PALS1: variants seen among roughly 807,000 people sequenced by gnomAD.
The protein encoded by PALS1 is protein PALS1.
A neutral mutation model predicts 78.9 loss-of-function variants in PALS1; 31 were observed. The ratio of observed to expected loss-of-function variants is 0.39; its 90% CI spans 0.30 to 0.53. The LOEUF is 0.53. Among genes scored for constraint, PALS1 ranks in the 20% least tolerant of loss-of-function variants. The pLI is 0.67. For synonymous variants in PALS1, 276 were observed against 270.9 expected (o/e 1.02, Z -0.18); for missense variants, 704 against 826.5 (o/e 0.85, Z 1.82).
chr14:67,332,272 A>T (rs576125157), intron 14 of PALS1, among the ~76,000 whole-genome samples: 23 of 152,182 alleles, frequency 1.5e-4, no homozygotes, highest in African/African-American at 5.1e-4. Flanking sequence ...AAAGTAGGCT[A>T]CTCTATATAG....
chr14:67,280,365 G>GA (rs2099741796), intron 3 of PALS1, among the ~76,000 whole-genome samples: 1 of 152,104 alleles, frequency 6.6e-6, no homozygotes, highest in Non-Finnish European at 1.5e-5. Flanking sequence ...TTTTAGGTGT[G>GA]AAAAAAGATA....
At chr14:67,280,853 T>TTCCTTCCCTCCTTCCCTCCCTCCC (rs1328488242) in intron 3 of PALS1, among the ~76,000 whole-genome samples, 1 of 77,608 alleles carries the variant, frequency 1.3e-5, no homozygotes, top group African/African-American at 1.0e-4. Flanking sequence ...CCTTCCTTCC[T>TTCCTTCCCTCCTTCCCTCCCTCCC]TCCCTCCCTC....
chr14:67,332,727 T>C, intron 14 of PALS1, 53 bp from the exon 15 acceptor site: 1 of 1,536,968 alleles, frequency 6.5e-7, no homozygotes, highest in Non-Finnish European at 8.8e-7. Flanking sequence ...ACTCATCCTA[T>C]ATTATTTGGT....
intron 3 of PALS1, chr14:67,279,991 T>C (rs1201280630): frequency 6.5e-6 from 1 of 154,190 alleles, no homozygotes; most frequent in African/African-American, 2.4e-5. Context: ...ATTGTTCATA[T>C]GGTATCATAA....
At chr14:67,329,052 T>C (rs2085401883) in intron 14 of PALS1, among the ~76,000 whole-genome samples, 1 of 152,246 alleles carries the variant, frequency 6.6e-6, no homozygotes, top group African/African-American at 2.4e-5. Context: ...GCATTGAATC[T>C]ATAAATTACC....
At chr14:67,296,860 G>A (rs1011428340) in intron 4 of PALS1, among the ~76,000 whole-genome samples, 8 of 152,012 alleles carry the variant, frequency 5.3e-5, no homozygotes, top group Admixed American at 6.6e-5. Context: ...TCAGCCTCCT[G>A]AATAGCTGGG....
intron 8 of PALS1, among the ~76,000 whole-genome samples, chr14:67,309,875 T>A (rs148556082): frequency 6.6e-6 from 1 of 152,238 alleles, no homozygotes; most frequent in Non-Finnish European, 1.5e-5. Context: ...CAGAAAGTGA[T>A]TTGATAAAAT....
At chr14:67,263,709 A>T (rs1330627993) in intron 1 of PALS1, among the ~76,000 whole-genome samples, 1 of 152,192 alleles carries the variant, frequency 6.6e-6, no homozygotes, top group East Asian at 1.9e-4. Flanking sequence ...CTCATTTGTA[A>T]ACTGATGATA....
chr14:67,250,885 T>C (rs1420511827), intron 1 of PALS1, among the ~76,000 whole-genome samples: 1 of 152,252 alleles, frequency 6.6e-6, no homozygotes, highest in Non-Finnish European at 1.5e-5. Context: ...CAATACTTTC[T>C]GCTTTCCCCT....
intron 4 of PALS1, among the ~76,000 whole-genome samples, chr14:67,296,187 C>G (rs751881621): frequency 3.3e-5 from 5 of 151,870 alleles, no homozygotes; most frequent in Non-Finnish European, 5.9e-5. Context: ...GAGAATATAC[C>G]AGGAAGCGTA....
intron 12 of PALS1, 140 bp downstream of exon 12, chr14:67,320,537 G>C (rs905299902): frequency 1.7e-5 from 13 of 773,268 alleles, no homozygotes; most frequent in Non-Finnish European, 2.2e-5. Flanking sequence ...CAAAGATTTT[G>C]ACAATTTTTA....
At chr14:67,306,447 C>G (rs2085005616) in intron 8 of PALS1, among the ~76,000 whole-genome samples, 1 of 151,892 alleles carries the variant, frequency 6.6e-6, no homozygotes, top group South Asian at 2.1e-4. Flanking sequence ...TGTGTTCAAG[C>G]ATTCTCCTGA....
chr14:67,309,426 C>T (rs377126956), intron 8 of PALS1, among the ~76,000 whole-genome samples: 3 of 152,198 alleles, frequency 2.0e-5, no homozygotes, highest in South Asian at 2.1e-4. Flanking sequence ...GCCTTTTCCT[C>T]TTAATTTTAG....
At chr14:67,326,837 A>G (rs562677213) in intron 14 of PALS1, among the ~76,000 whole-genome samples, 94 of 152,240 alleles carry the variant, frequency 6.2e-4, no homozygotes, top group Non-Finnish European at 1.2e-3. Flanking sequence ...CTATGATATT[A>G]ATATACCACA....
At chr14:67,253,704 G>A (rs1211963582) in intron 1 of PALS1, among the ~76,000 whole-genome samples, 3 of 151,972 alleles carry the variant, frequency 2.0e-5, no homozygotes, top group African/African-American at 7.3e-5. Flanking sequence ...AAAATTAGCT[G>A]GGTTTGCATT....
intron 6 of PALS1, 104 bp from the exon 7 acceptor site, chr14:67,302,306 C>T: frequency 1.8e-6 from 2 of 1,088,608 alleles, no homozygotes; most frequent in Middle Eastern, 3.3e-4. Context: ...CTTAAGATAA[C>T]TGAAGGTTAG....
At chr14:67,246,722 C>T (rs1464989951) in intron 1 of PALS1, among the ~76,000 whole-genome samples, 3 of 144,368 alleles carry the variant, frequency 2.1e-5, no homozygotes, top group Non-Finnish European at 3.0e-5. Context: ...ACGATATCAG[C>T]TCACTGCAAC....
At chr14:67,259,186 C>CTATG (rs1438786280) in intron 1 of PALS1, among the ~76,000 whole-genome samples, 2 of 151,532 alleles carry the variant, frequency 1.3e-5, no homozygotes, top group African/African-American at 4.8e-5. Flanking sequence ...CCTGAATGTT[C>CTATG]TATGTATGTA....
intron 1 of PALS1, among the ~76,000 whole-genome samples, chr14:67,263,892 C>G (rs2140522416): frequency 6.6e-6 from 1 of 152,152 alleles, no homozygotes; most frequent in East Asian, 1.9e-4. Flanking sequence ...GGTAGTAATT[C>G]TTTCTATTTT....
Sources: gnomAD v4.1 joint callset for allele counts (sites outside exome capture counted in the v4.1 genomes callset) on GRCh38, gnomAD v4.1.1 for gene constraint, MANE v1.5 for transcripts, NCBI Gene and HGNC (gene_info 2026-07-23, HGNC 2026-07-21) for gene names.